The following ROR1 variants were observed in gnomAD, a reference collection of about 807,000 sequenced individuals.
The protein encoded by ROR1 is inactive tyrosine-protein kinase transmembrane receptor ROR1.
A neutral mutation model predicts 78.8 loss-of-function variants in ROR1; 19 were observed. The observed-to-expected ratio is 0.24, with a 90% CI of 0.17 to 0.35. ROR1 has a LOEUF of 0.35. Ranked by LOEUF, ROR1 falls within the 10% of genes least tolerant of loss-of-function variation. The probability of loss-of-function intolerance (pLI) is 1.00; values close to 1 mark genes in which losing one functional copy is unlikely to be tolerated. For missense variants in ROR1, 917 were observed against 1,177.8 expected (o/e 0.78, Z 3.24); for synonymous variants, 386 against 433.6 (o/e 0.89, Z 1.36).
chr1:63,894,114 C>T (rs372068385), intron 1 of ROR1, among the ~76,000 whole-genome samples: 1 of 151,996 alleles, frequency 6.6e-6, no homozygotes, highest in African/African-American at 2.4e-5. Context: ...TTGTGGCAGT[C>T]GATCTGATCA....
chr1:64,004,672 G>A (rs1439448695), intron 1 of ROR1, among the ~76,000 whole-genome samples: 1 of 152,224 alleles, frequency 6.6e-6, no homozygotes, highest in Non-Finnish European at 1.5e-5. Context: ...CACATCCTGT[G>A]AATGTTGGGT....
chr1:64,014,752 A>ATGTATATATACATACGCACAC (rs1423292538), intron 2 of ROR1, among the ~76,000 whole-genome samples: 14 of 32,496 alleles, frequency 4.3e-4, no homozygotes, highest in Non-Finnish European at 1.2e-3. Context: ...ATATATATAT[A>ATGTATATATACATACGCACAC]TATATATATA....
chr1:64,123,163 C>A (rs1460157109), intron 4 of ROR1, among the ~76,000 whole-genome samples: 7 of 147,424 alleles, frequency 4.7e-5, no homozygotes, highest in Non-Finnish European at 1.0e-4. Flanking sequence ...GGAAGGGACA[C>A]CAGAGATCAT....
rs181163268 is a variant in ROR1, at chr1:64,000,773, C to T, written c.92-8532C>T. On this transcript the variant is annotated intron_variant, in intron 1 of 8. Transcript: ENST00000371079. The stretch of plus-strand genomic sequence containing the variant: ...CCCAGAACAATCTTTCAAAGGACCA[C>T]CTTCCTGCCCTTTGGGATTCCTCCT... 4.6e-5 allele frequency among the ~76,000 whole-genome samples: 7 copies of T among 152,284 alleles called. No individual in the cohort carries two copies. The East Asian group carries it at 1.3e-3, about 29-fold the overall frequency.
At chr1:64,135,253 CAA>C (rs1326893428) in intron 4 of ROR1, among the ~76,000 whole-genome samples, 2 of 152,108 alleles carry the variant, frequency 1.3e-5, no homozygotes, top group Admixed American at 6.5e-5. Flanking sequence ...AAAAAGTATT[CAA>C]AGAGTCTTTT....
chr1:64,006,402 T>C (rs909350443), intron 1 of ROR1, among the ~76,000 whole-genome samples: 3 of 152,126 alleles, frequency 2.0e-5, no homozygotes, highest in Non-Finnish European at 2.9e-5. Flanking sequence ...GCTGTCATTA[T>C]TGAAAGAGCC....
At chr1:63,842,439 T>A (rs1006365005) in intron 1 of ROR1, among the ~76,000 whole-genome samples, 27 of 152,214 alleles carry the variant, frequency 1.8e-4, no homozygotes, top group Non-Finnish European at 2.9e-5. Flanking sequence ...TGCATTGCGT[T>A]ACAGGAGAGA....
chr1:64,001,584 A>G (rs1290025349), intron 1 of ROR1, among the ~76,000 whole-genome samples: 1 of 151,362 alleles, frequency 6.6e-6, no homozygotes, highest in Non-Finnish European at 1.5e-5. Context: ...TCTGGTCTTT[A>G]CACAGCTTTT....
At chr1:64,176,846 C>T (rs1334780032) in intron 8 of ROR1, among the ~76,000 whole-genome samples, 2 of 152,196 alleles carry the variant, frequency 1.3e-5, no homozygotes, top group East Asian at 3.8e-4. Flanking sequence ...AATGGCAGAA[C>T]ATTGGAGGAA....
At chr1:63,969,328 GT>G (rs1352207784) in intron 1 of ROR1, among the ~76,000 whole-genome samples, 1 of 152,144 alleles carries the variant, frequency 6.6e-6, no homozygotes, top group Non-Finnish European at 1.5e-5. Flanking sequence ...GTTCTTCCCA[GT>G]TTGGTCTCAG....
intron 1 of ROR1, among the ~76,000 whole-genome samples, chr1:63,882,949 GAAGATAA>G (rs1442395348): frequency 0.011 from 1,622 of 152,254 alleles, 29 homozygotes; most frequent in African/African-American, 0.037. Flanking sequence ...CAAATATTTT[GAAGATAA>G]TCAGTAGCCT....
At chr1:63,969,764 A>C (rs1646104719) in intron 1 of ROR1, among the ~76,000 whole-genome samples, 2 of 151,174 alleles carry the variant, frequency 1.3e-5, no homozygotes, top group Admixed American at 6.6e-5. Flanking sequence ...TCTAACCACT[A>C]CCTCTCTTGA....
At chr1:64,159,376 G>C (rs1302380249) in intron 8 of ROR1, among the ~76,000 whole-genome samples, 184 bp downstream of exon 8, 1 of 152,112 alleles carries the variant, frequency 6.6e-6, no homozygotes, top group Non-Finnish European at 1.5e-5. Flanking sequence ...ACTTTCATCA[G>C]TATGTCTACT....
At chr1:64,144,893 A>T (rs904150506) in intron 7 of ROR1, among the ~76,000 whole-genome samples, 1 of 152,214 alleles carries the variant, frequency 6.6e-6, no homozygotes, top group African/African-American at 2.4e-5. Flanking sequence ...CCTGGGTTTG[A>T]ATCCCAGGTC....
At chr1:63,786,498 T>C (rs915383955) in intron 1 of ROR1, among the ~76,000 whole-genome samples, 6 of 150,872 alleles carry the variant, frequency 4.0e-5, no homozygotes, top group Admixed American at 4.0e-4. Context: ...GGTCTCGATC[T>C]CCTGACCCCG....
chr1:63,789,069 C>T, intron 1 of ROR1: 1 of 622,104 alleles, frequency 1.6e-6, no homozygotes, highest in Admixed American at 1.8e-5. Flanking sequence ...CTTTCGCTTA[C>T]CTATGCCCAT....
At chr1:64,115,612 GTA>G (rs143560709) in intron 4 of ROR1, among the ~76,000 whole-genome samples, 10 of 148,700 alleles carry the variant, frequency 6.7e-5, no homozygotes, top group Admixed American at 2.7e-4. Context: ...ATATATATGT[GTA>G]TATATATATA....
intron 7 of ROR1, among the ~76,000 whole-genome samples, chr1:64,152,655 T>C (rs1649661004): frequency 6.6e-6 from 1 of 152,236 alleles, no homozygotes; most frequent in Non-Finnish European, 1.5e-5. Flanking sequence ...AAGCAACTTA[T>C]AATATTTATT....
intron 4 of ROR1, among the ~76,000 whole-genome samples, chr1:64,087,148 C>T (rs892776015): frequency 6.6e-6 from 1 of 152,200 alleles, no homozygotes; most frequent in Non-Finnish European, 1.5e-5. Flanking sequence ...ACTCCAATCA[C>T]TCAGACCTTC....
Sources: allele counts gnomAD v4.1 joint callset (sites outside exome capture counted in the v4.1 genomes callset), GRCh38; gene constraint gnomAD v4.1.1; transcripts MANE v1.5; gene names NCBI Gene and HGNC (gene_info 2026-07-23, HGNC 2026-07-21).